Variants in TTC27 observed in about 807,000 individuals in gnomAD.
TTC27 encodes the protein tetratricopeptide repeat protein 27.
Under a neutral mutation model 115.9 loss-of-function variants are expected in TTC27, and 79 were observed. That is an observed-to-expected ratio of 0.68 (90% CI 0.57 to 0.82). The LOEUF (loss-of-function observed/expected upper bound fraction) is 0.82. TTC27 is among the 40% of genes least tolerant of loss of function. The pLI is 0.00. For missense variants in TTC27, 1,054 were observed against 993.1 expected, an observed-to-expected ratio of 1.06 and a Z score of -0.82; for synonymous variants, 401 against 356.0, an observed-to-expected ratio of 1.13 and a Z score of -1.42.
chr2:32,633,679 C>A (rs967110071), intron 2 of TTC27, among the ~76,000 whole-genome samples, 197 bp from the exon 3 acceptor site: 1 of 152,140 alleles, frequency 6.6e-6, no homozygotes, highest in Non-Finnish European at 1.5e-5. Context: ...GCTGGAATTA[C>A]AGGCATGAAC....
intron 5 of TTC27, among the ~76,000 whole-genome samples, chr2:32,651,516 T>G (rs1665125927): frequency 6.6e-6 from 1 of 152,156 alleles, no homozygotes; most frequent in Non-Finnish European, 1.5e-5. Context: ...CTGGCTAATT[T>G]TGTATTTTTA....
intron 16 of TTC27, among the ~76,000 whole-genome samples, chr2:32,801,275 G>T (rs1670925390): frequency 1.3e-5 from 2 of 152,202 alleles, no homozygotes. Flanking sequence ...TCCCCACTGA[G>T]TTCTAGAGAC....
At chr2:32,771,779 G>A (rs926568557) in intron 13 of TTC27, among the ~76,000 whole-genome samples, 7 of 152,186 alleles carry the variant, frequency 4.6e-5, no homozygotes, top group African/African-American at 1.7e-4. Flanking sequence ...CACCATTGAT[G>A]TCACTCTTGG....
intron 1 of TTC27, among the ~76,000 whole-genome samples, chr2:32,630,114 C>T (rs1664117852): frequency 6.6e-6 from 1 of 152,112 alleles, no homozygotes; most frequent in Non-Finnish European, 1.5e-5. Context: ...AATGAGTAAA[C>T]CAGCGCTCTT....
chr2:32,742,953 T>C (rs1301891678), intron 12 of TTC27, among the ~76,000 whole-genome samples: 3 of 152,208 alleles, frequency 2.0e-5, no homozygotes, highest in Non-Finnish European at 2.9e-5. Flanking sequence ...ATCTGGCTAA[T>C]TGGGGAACCT....
At chr2:32,662,025 T>C (rs1293325771) in intron 5 of TTC27, among the ~76,000 whole-genome samples, 2 of 152,204 alleles carry the variant, frequency 1.3e-5, no homozygotes, top group East Asian at 3.9e-4. Context: ...ATTGAGATAA[T>C]CTTATGGTTT....
At chr2:32,631,213 G>T (rs1664192106) in intron 2 of TTC27, among the ~76,000 whole-genome samples, 1 of 152,182 alleles carries the variant, frequency 6.6e-6, no homozygotes, top group Admixed American at 6.5e-5. Context: ...TGAGGCCGAA[G>T]AATCGCTTGA....
intron 9 of TTC27, among the ~76,000 whole-genome samples, chr2:32,686,295 AG>A (rs1666625140): frequency 6.6e-6 from 1 of 151,822 alleles, no homozygotes; most frequent in South Asian, 2.1e-4. Context: ...GAATCCCCAT[AG>A]GCATTTTTTT....
chr2:32,668,673 C>G (rs925391769), intron 7 of TTC27, among the ~76,000 whole-genome samples: 1 of 151,608 alleles, frequency 6.6e-6, no homozygotes, highest in African/African-American at 2.4e-5. Flanking sequence ...CTTCTTGCCT[C>G]AACCTCCCAA....
At chr2:32,731,515 A>G (rs996069689) in intron 10 of TTC27, among the ~76,000 whole-genome samples, 1 of 152,058 alleles carries the variant, frequency 6.6e-6, no homozygotes, top group Non-Finnish European at 1.5e-5. Context: ...AGCTGGGCCC[A>G]TGGGCACGTG....
chr2:32,788,984 A>G (rs1032944607), intron 16 of TTC27, among the ~76,000 whole-genome samples: 2 of 152,212 alleles, frequency 1.3e-5, no homozygotes, highest in Admixed American at 1.3e-4. Context: ...CTTCACATGT[A>G]TTAGCTCATT....
chr2:32,746,199 TTTG>T (rs1668819494), intron 12 of TTC27, among the ~76,000 whole-genome samples: 1 of 152,162 alleles, frequency 6.6e-6, no homozygotes, highest in Non-Finnish European at 1.5e-5. Context: ...ATATGTTTTT[TTTG>T]TTTGGGGAAT....
intron 13 of TTC27, among the ~76,000 whole-genome samples, chr2:32,774,121 C>T (rs909048579): frequency 2.0e-5 from 3 of 151,566 alleles, no homozygotes; most frequent in African/African-American, 7.3e-5. Context: ...TTGAAGGAAT[C>T]GCATATTGGA....
intron 16 of TTC27, among the ~76,000 whole-genome samples, chr2:32,793,759 G>C (rs920340440): frequency 6.6e-6 from 1 of 152,116 alleles, no homozygotes; most frequent in Non-Finnish European, 1.5e-5. Context: ...CTGACCTCAG[G>C]TGAGCCATCC....
chr2:32,730,335 CTACT>C (rs1390895066), intron 10 of TTC27, among the ~76,000 whole-genome samples: 1 of 152,180 alleles, frequency 6.6e-6, no homozygotes, highest in African/African-American at 2.4e-5. Flanking sequence ...TGTAGTTAAA[CTACT>C]TGCTTGCTGG....
intron 10 of TTC27, among the ~76,000 whole-genome samples, chr2:32,724,412 G>A (rs2151911356): frequency 6.6e-6 from 1 of 152,248 alleles, no homozygotes; most frequent in Non-Finnish European, 1.5e-5. Flanking sequence ...TGGCCCCTTT[G>A]TCAAAATCAA....
chr2:32,755,054 T>G (rs1669171970), intron 12 of TTC27, among the ~76,000 whole-genome samples: 1 of 151,368 alleles, frequency 6.6e-6, no homozygotes, highest in African/African-American at 2.4e-5. Context: ...TCTCCACACT[T>G]CTCAGACGGG....
intron 9 of TTC27, among the ~76,000 whole-genome samples, chr2:32,689,760 G>A (rs1156944415): frequency 6.6e-6 from 1 of 152,096 alleles, no homozygotes; most frequent in Non-Finnish European, 1.5e-5. Flanking sequence ...ATAACAAATA[G>A]AAAGATAGCT....
intron 12 of TTC27, among the ~76,000 whole-genome samples, chr2:32,739,064 A>G (rs1431650307): frequency 6.6e-6 from 1 of 152,230 alleles, no homozygotes; most frequent in Admixed American, 6.5e-5. Context: ...TTGATGAAAT[A>G]TAGTCATGTA....
Sources: allele counts gnomAD v4.1 joint callset (sites outside exome capture counted in the v4.1 genomes callset), GRCh38; gene constraint gnomAD v4.1.1; transcripts MANE v1.5; gene names NCBI Gene and HGNC (gene_info 2026-07-23, HGNC 2026-07-21).